Variants in OAS1 observed in about 807,000 individuals in gnomAD.
OAS1 encodes 2'-5'-oligoadenylate synthase 1.
In OAS1, 24 loss-of-function variants were observed where a neutral mutation model predicts 38.5. The observed-to-expected ratio is 0.62, with a 90% CI of 0.45 to 0.88. The LOEUF (loss-of-function observed/expected upper bound fraction) is 0.88. Among genes scored for constraint, OAS1 ranks in the 40% least tolerant of loss-of-function variants. The pLI is 0.00. For synonymous variants in OAS1, 169 were observed against 193.9 expected, an observed-to-expected ratio of 0.87 and a Z score of 1.07; for missense variants, 482 against 493.9, an observed-to-expected ratio of 0.98 and a Z score of 0.23.
chr12:112,913,916 CA>C (rs1329890557), intron 3 of OAS1, among the ~76,000 whole-genome samples: 1 of 152,114 alleles, frequency 6.6e-6, no homozygotes, highest in Admixed American at 6.5e-5. Context: ...AACCACTGAT[CA>C]CAGAGAGAGG....
At chr12:112,917,816 T>C (rs1017396051) in intron 5 of OAS1, 116 bp downstream of exon 5, 38 of 1,610,196 alleles carry the variant, frequency 2.4e-5, no homozygotes, top group Non-Finnish European at 2.5e-6. Flanking sequence ...AGGCCATTTA[T>C]ATTCATATAG....
intron 1 of OAS1, chr12:112,907,817 T>TGAGC (rs2043317002): frequency 6.6e-6 from 1 of 152,454 alleles, no homozygotes; most frequent in Non-Finnish European, 1.5e-5. Context: ...AAAAGTTCAG[T>TGAGC]AAGCAAAAGA....
intron 3 of OAS1, 22 bp from the exon 4 acceptor site, chr12:112,916,487 T>A: frequency 6.2e-7 from 1 of 1,602,968 alleles, no homozygotes; most frequent in Non-Finnish European, 8.5e-7. Flanking sequence ...AATTTTTTTC[T>A]GATTGTTTTT....
intron 4 of OAS1, 88 bp downstream of exon 4, chr12:112,916,826 G>A: frequency 1.0e-6 from 1 of 981,264 alleles, no homozygotes; most frequent in South Asian, 1.3e-5. Context: ...GAGGTGGGAG[G>A]GCTCCCCACT....
chr12:112,924,928 A>G (rs1457407558), intron 6 of OAS1, among the ~76,000 whole-genome samples: 1 of 152,202 alleles, frequency 6.6e-6, no homozygotes, highest in African/African-American at 2.4e-5. Context: ...CAAATTCACA[A>G]GATTTGGAAA....
At chr12:112,930,084 G>C (rs766764657) in intron 6 of OAS1, among the ~76,000 whole-genome samples, 1 of 152,106 alleles carries the variant, frequency 6.6e-6, no homozygotes, top group Non-Finnish European at 1.5e-5. Flanking sequence ...TTATGATAGT[G>C]AGTACATTCT....
rs574122442 is a variant in OAS1, at chr12:112,917,869, T to C, written c.1038+169T>C. On this transcript the variant is annotated intron_variant, in intron 5 of 5. Coordinates refer to ENST00000202917, the MANE Select transcript of OAS1 (RefSeq NM_016816.4). Reference sequence around the variant, plus strand: ...TATTTTACAGTCATTTTGGTCACAATCGAGGGTTTCTGGAATTTTCACATC... The same window carrying C: ...TATTTTACAGTCATTTTGGTCACAACCGAGGGTTTCTGGAATTTTCACATC... 6.1e-5 allele frequency: 92 copies of C among 1,500,410 alleles called. 1 individual carries two copies. In the South Asian group the frequency reaches 1.1e-3, roughly 18 times the overall value. 92.9% of individuals were successfully genotyped at this position (1,500,410 alleles called of 1,614,324 possible).
rs758539168 is a variant in OAS1, at chr12:112,918,571, T to C, written c.1039-818T>C. Reference sequence around the variant, plus strand: ...GTTATTTGAAAAGTCCCATGAGGCATGTTTTCTATCATTCCCATCTTACAG... The same window carrying C: ...GTTATTTGAAAAGTCCCATGAGGCACGTTTTCTATCATTCCCATCTTACAG... On this transcript the variant is annotated intron_variant, in intron 5 of 5. Coordinates refer to ENST00000202917, the MANE Select transcript of OAS1 (RefSeq NM_016816.4). 7 of 440,140 alleles carry C rather than the reference T, an allele frequency of 1.6e-5. No homozygotes were observed. In the East Asian group the frequency reaches 4.2e-4, roughly 27 times the overall value. The allele number at this position is 440,140 out of a possible 1,614,324, so 27.3% of individuals were successfully genotyped here.
At chr12:112,920,055 G>C (rs2043519446), downstream of OAS1, among the ~76,000 whole-genome samples, 2 of 152,264 alleles carry the variant, frequency 1.3e-5, no homozygotes, top group South Asian at 4.1e-4. Flanking sequence ...TGGGAATATA[G>C]CAATGCACAA....
At chr12:112,926,788 T>C (rs1388105725) in intron 6 of OAS1, among the ~76,000 whole-genome samples, 1 of 152,216 alleles carries the variant, frequency 6.6e-6, no homozygotes, top group East Asian at 1.9e-4. Flanking sequence ...TGGAATTTCC[T>C]AATCCTAGCA....
chr12:112,923,834 T>C (rs183061867), downstream of OAS1, among the ~76,000 whole-genome samples: 42 of 152,358 alleles, frequency 2.8e-4, no homozygotes, highest in African/African-American at 8.7e-4. Context: ...CTTCAACAAA[T>C]GGTGTTTGGA....
At chr12:112,910,889 G>A (rs2043367250) in intron 2 of OAS1, among the ~76,000 whole-genome samples, 162 bp from the exon 3 acceptor site, 1 of 152,084 alleles carries the variant, frequency 6.6e-6, no homozygotes, top group African/African-American at 2.4e-5. Context: ...TGGCAGTGGA[G>A]AGGGCAGGAG....
intron 6 of OAS1, among the ~76,000 whole-genome samples, chr12:112,928,901 C>A (rs1261303347): frequency 6.6e-6 from 1 of 152,216 alleles, no homozygotes. Context: ...GGCGCTTTCT[C>A]TTGAGGATTG....
intron 2 of OAS1, among the ~76,000 whole-genome samples, chr12:112,909,680 T>C (rs926841846): frequency 1.3e-5 from 2 of 152,210 alleles, no homozygotes; most frequent in South Asian, 2.1e-4. Context: ...AATCAATCAG[T>C]CAATCAGTCA....
At chr12:112,923,116 C>CT (rs1432319830), downstream of OAS1, among the ~76,000 whole-genome samples, 18 of 152,322 alleles carry the variant, frequency 1.2e-4, no homozygotes, top group African/African-American at 4.3e-4. Context: ...CATTAATTTT[C>CT]TTTAACGAAT....
At chr12:112,913,415 C>T (rs915428908) in intron 3 of OAS1, among the ~76,000 whole-genome samples, 4 of 152,180 alleles carry the variant, frequency 2.6e-5, no homozygotes, top group South Asian at 4.1e-4. Flanking sequence ...TTTGAAACTT[C>T]TCAGCCATTC....
At chr12:112,926,675 A>G (rs540809214) in intron 6 of OAS1, among the ~76,000 whole-genome samples, 7 of 152,324 alleles carry the variant, frequency 4.6e-5, no homozygotes, top group African/African-American at 1.7e-4. Context: ...CAAAACTAGA[A>G]TTACTAAGGA....
chr12:112,909,064 G>T (rs975794978), intron 2 of OAS1: 1 of 456,124 alleles, frequency 2.2e-6, no homozygotes, highest in Admixed American at 3.9e-5. Context: ...AAGGCTTACT[G>T]GTTCTGTTTA....
intron 6 of OAS1, chr12:112,931,779 C>T: frequency 1.8e-6 from 1 of 562,328 alleles, no homozygotes; most frequent in South Asian, 2.6e-5. Flanking sequence ...TCCTGACTGC[C>T]AGAGTGGAGA....
Sources: gnomAD v4.1 joint callset for allele counts (sites outside exome capture counted in the v4.1 genomes callset) on GRCh38, gnomAD v4.1.1 for gene constraint, MANE v1.5 for transcripts, NCBI Gene and HGNC (gene_info 2026-07-23, HGNC 2026-07-21) for gene names.